The following SYT14 variants were observed in gnomAD, a reference collection of about 807,000 sequenced individuals.
SYT14 encodes synaptotagmin-14.
A neutral mutation model predicts 74.2 loss-of-function variants in SYT14; 32 were observed. The ratio of observed to expected loss-of-function variants is 0.43; its 90% confidence interval spans 0.33 to 0.58. The LOEUF (loss-of-function observed/expected upper bound fraction) is 0.58, where lower values mean the gene tolerates loss of function less well. Among genes scored for constraint, SYT14 ranks in the 20% least tolerant of loss-of-function variants. SYT14 has a pLI of 0.05. For missense variants in SYT14, 791 were observed against 981.8 expected, an observed-to-expected ratio of 0.81 and a Z score of 2.60; for synonymous variants, 298 against 337.7, an observed-to-expected ratio of 0.88 and a Z score of 1.29.
chr1:210,169,237 T>G (rs1385632078), exon 10 of SYT14: 5 of 141,350 alleles, frequency 3.5e-5, no homozygotes, highest in South Asian at 2.4e-4. Flanking sequence ...TTTTTTTTTT[T>G]TTTTTTTTTT....
intron 9 of SYT14, 113 bp downstream of exon 8, chr1:210,159,590 TTTA>T: frequency 1.2e-6 from 1 of 863,344 alleles, no homozygotes; most frequent in South Asian, 1.4e-5. Context: ...ACAATGCACA[TTTA>T]TTATCTGTGG....
chr1:210,026,638 A>ACACTCT (rs1553267804), intron 5 of SYT14, among the ~76,000 whole-genome samples: 1 of 151,280 alleles, frequency 6.6e-6, no homozygotes, highest in Admixed American at 6.6e-5. Context: ...ACACACACAC[A>ACACTCT]CACACTCACC....
intron 5 of SYT14, among the ~76,000 whole-genome samples, chr1:210,049,867 G>T (rs1426378904): frequency 6.6e-6 from 1 of 152,204 alleles, no homozygotes; most frequent in Non-Finnish European, 1.5e-5. Context: ...TCCCTAGGCT[G>T]CAGACAGCAC....
At chr1:210,031,368 A>G (rs891918661) in intron 5 of SYT14, among the ~76,000 whole-genome samples, 1 of 151,662 alleles carries the variant, frequency 6.6e-6, no homozygotes, top group African/African-American at 2.4e-5. Context: ...CTTCATGGAG[A>G]TATTGGTCTG....
chr1:210,047,986 G>A (rs1375852279), intron 5 of SYT14, among the ~76,000 whole-genome samples: 1 of 152,004 alleles, frequency 6.6e-6, no homozygotes, highest in Non-Finnish European at 1.5e-5. Flanking sequence ...TAAGTGGTGT[G>A]GTGTCCACTA....
At chr1:209,995,423 C>T (rs1362705225) in intron 2 of SYT14, among the ~76,000 whole-genome samples, 1 of 152,194 alleles carries the variant, frequency 6.6e-6, no homozygotes, top group African/African-American at 2.4e-5. Context: ...TACAATCCAA[C>T]AAGAAGACTT....
exon 10 of SYT14, chr1:210,168,210 A>T (rs1033540512): frequency 2.6e-5 from 4 of 152,136 alleles, no homozygotes; most frequent in African/African-American, 9.7e-5. Context: ...GTAAAATTTC[A>T]ACTGTTTATG....
chr1:210,162,531 TA>T (rs1403429487), exon 10 of SYT14: 1 of 341,730 alleles, frequency 2.9e-6, no homozygotes, highest in African/African-American at 2.2e-5. Context: ...TTATATATAT[TA>T]AAAATAGTTT....
At chr1:210,151,103 G>A (rs1330260224) in intron 7 of SYT14, among the ~76,000 whole-genome samples, 10 of 152,288 alleles carry the variant, frequency 6.6e-5, no homozygotes, top group African/African-American at 2.4e-4. Flanking sequence ...AGGAGGGGAA[G>A]TATTAAAAAG....
chr1:210,091,431 G>A (rs143532271), intron 5 of SYT14, among the ~76,000 whole-genome samples: 53 of 152,344 alleles, frequency 3.5e-4, no homozygotes, highest in Middle Eastern at 6.8e-3. Context: ...CCTTATGCCT[G>A]TAATCCCAAC....
exon 10 of SYT14, chr1:210,168,662 T>G (rs1470093515): frequency 1.3e-5 from 2 of 152,208 alleles, no homozygotes; most frequent in Non-Finnish European, 2.9e-5. Context: ...CTCTGAGACT[T>G]ACTGCTTCTC....
Position 210,059,427 on chromosome 1 carries a change from AATATAT to A in SYT14, c.1313-34875_1313-34870del, listed in dbSNP as rs374307953. Among the ~76,000 whole-genome samples, 333 of 80,018 alleles carry A rather than the reference AATATAT, an allele frequency of 4.2e-3. 7 individuals are homozygous for A. The highest frequency in any genetic ancestry group is 0.012 in the East Asian group (23 of 1,990). The allele number at this position is 80,018 out of a possible 152,430, so 52.5% of individuals were successfully genotyped here. On this transcript the variant is annotated intron_variant, in intron 5 of 9. Transcript: ENST00000637265. ...CTGTATATGCATGATGACAAGAAAG[AATATAT>A]ATATATATATATATATATAGAGAGA...
intron 5 of SYT14, among the ~76,000 whole-genome samples, chr1:210,035,343 A>G (rs1459257920): frequency 6.6e-6 from 1 of 151,772 alleles, no homozygotes; most frequent in Non-Finnish European, 1.5e-5. Flanking sequence ...TAGTTTGGAA[A>G]TATTTTCTCC....
At chr1:209,986,900 G>A (rs2079580230) in intron 2 of SYT14, among the ~76,000 whole-genome samples, 1 of 152,132 alleles carries the variant, frequency 6.6e-6, no homozygotes, top group Admixed American at 6.5e-5. Context: ...GGGATTACAG[G>A]CATGAGCCAC....
At chr1:209,992,131 G>GA (rs2079700291) in intron 2 of SYT14, among the ~76,000 whole-genome samples, 2 of 152,096 alleles carry the variant, frequency 1.3e-5, no homozygotes, top group African/African-American at 4.8e-5. Flanking sequence ...ACTGGATAAA[G>GA]AAAATTTTTT....
chr1:210,039,684 G>GA (rs1313136744), intron 5 of SYT14, among the ~76,000 whole-genome samples: 1 of 151,974 alleles, frequency 6.6e-6, no homozygotes. Context: ...AAATTTACAA[G>GA]AAAAAACAAA....
chr1:209,992,633 T>C (rs974193017), intron 2 of SYT14, among the ~76,000 whole-genome samples: 3 of 152,154 alleles, frequency 2.0e-5, no homozygotes, highest in Non-Finnish European at 4.4e-5. Flanking sequence ...CTATGCAATA[T>C]ATCTTTGTAA....
intron 7 of SYT14, among the ~76,000 whole-genome samples, chr1:210,123,851 A>T (rs1346933988): frequency 6.6e-6 from 1 of 152,210 alleles, no homozygotes; most frequent in Non-Finnish European, 1.5e-5. Flanking sequence ...TAATGGAAAG[A>T]TGACAAGAAA....
intron 5 of SYT14, among the ~76,000 whole-genome samples, chr1:210,031,883 ATTG>A (rs2080544079): frequency 6.6e-6 from 1 of 151,346 alleles, no homozygotes; most frequent in African/African-American, 2.4e-5. Context: ...ATGCCCACCT[ATTG>A]TTGTTTAGGG....
Sources: allele counts gnomAD v4.1 joint callset (sites outside exome capture counted in the v4.1 genomes callset), GRCh38; gene constraint gnomAD v4.1.1; transcripts MANE v1.5; gene names NCBI Gene and HGNC (gene_info 2026-07-23, HGNC 2026-07-21).